The following C19orf47 variants were observed in gnomAD, a reference collection of about 807,000 sequenced individuals.
C19orf47 encodes chromosome 19 open reading frame 47.
In C19orf47, 18 loss-of-function variants were observed where a neutral mutation model predicts 32.3. The observed-to-expected ratio is 0.56, with a 90% CI of 0.39 to 0.83. The LOEUF is 0.83. Ranked by LOEUF, C19orf47 falls within the 40% of genes least tolerant of loss-of-function variation. The pLI is 0.00. For synonymous variants in C19orf47, 202 were observed against 211.1 expected, an observed-to-expected ratio of 0.96 and a Z score of 0.37; for missense variants, 484 against 531.6, an observed-to-expected ratio of 0.91 and a Z score of 0.88.
chr19:40,302,852 T>G, the C19orf47 span, among the ~76,000 whole-genome samples: 2 of 152,198 alleles, frequency 1.3e-5, no homozygotes, highest in Non-Finnish European at 1.5e-5. Flanking sequence ...CTTCCTTTCC[T>G]GAAGCCCTGC....
At chr19:40,323,462 G>A (rs2077763441) in intron 8 of C19orf47, among the ~76,000 whole-genome samples, 1 of 152,204 alleles carries the variant, frequency 6.6e-6, no homozygotes, top group African/African-American at 2.4e-5. Flanking sequence ...ACTGCGGGCC[G>A]CGGCAGGAAG....
At chr19:40,337,855 G>A (rs1156934674) in intron 2 of C19orf47, among the ~76,000 whole-genome samples, 1 of 152,154 alleles carries the variant, frequency 6.6e-6, no homozygotes, top group Non-Finnish European at 1.5e-5. Flanking sequence ...TCCTCCGCCA[G>A]GCCAGAGGAA....
At position 40,321,463 on chromosome 19, in the gene C19orf47, G is replaced by C. The variant is rs1306922103; in HGVS notation, c.*419C>G. Reference sequence around the variant, plus strand: ...GGAGTGAGGGAGGTCAGTGGGGAGTGGGGGAAGGGAGGCCCACCAGGTGAC... The same window carrying C: ...GGAGTGAGGGAGGTCAGTGGGGAGTCGGGGAAGGGAGGCCCACCAGGTGAC... On this transcript the variant is annotated 3_prime_UTR_variant, in exon 9 of 9. Transcript: ENST00000683109. 27 of 1,011,838 alleles carry C rather than the reference G, an allele frequency of 2.7e-5. No homozygotes were observed. Among genetic ancestry groups the C allele is most frequent in the Non-Finnish European group, 3.2e-5 (27 of 845,972 alleles). The allele number at this position is 1,011,838 out of a possible 1,614,324, so 62.7% of individuals were successfully genotyped here.
the C19orf47 span, among the ~76,000 whole-genome samples, chr19:40,298,645 T>C: frequency 6.6e-6 from 1 of 152,186 alleles, no homozygotes; most frequent in Non-Finnish European, 1.5e-5. Flanking sequence ...GCTTACTTCC[T>C]AGGTTTCGCT....
intron 1 of C19orf47, 50 bp from the exon 2 acceptor site, chr19:40,341,940 G>C: frequency 6.5e-7 from 1 of 1,535,998 alleles, no homozygotes; most frequent in Non-Finnish European, 8.7e-7. Flanking sequence ...GGCTGTGAGT[G>C]TTTGTCCCTC....
At chr19:40,303,862 C>G in the C19orf47 span, among the ~76,000 whole-genome samples, 1 of 147,258 alleles carries the variant, frequency 6.8e-6, no homozygotes, top group Non-Finnish European at 1.5e-5. Flanking sequence ...AAATTGCAAC[C>G]AGGAAAATCT....
At chr19:40,346,523 A>G (rs147804972) in intron 1 of C19orf47, among the ~76,000 whole-genome samples, 49,355 of 143,326 alleles carry the variant, frequency 0.34, 10,858 homozygotes, top group South Asian at 0.61. Flanking sequence ...AAAAAAAAAA[A>G]AGAGGACCCT....
At chr19:40,300,164 A>AT in the C19orf47 span, among the ~76,000 whole-genome samples, 1 of 152,080 alleles carries the variant, frequency 6.6e-6, no homozygotes, top group Non-Finnish European at 1.5e-5. Flanking sequence ...GATAAAAAAC[A>AT]TTTTTTTAAA....
chr19:40,317,221 C>G (rs2077668147), downstream of C19orf47, among the ~76,000 whole-genome samples: 1 of 151,988 alleles, frequency 6.6e-6, no homozygotes, highest in Non-Finnish European at 1.5e-5. Context: ...AAGGGATCCT[C>G]CCACCTCAGC....
the C19orf47 span, among the ~76,000 whole-genome samples, chr19:40,294,423 GTTAT>G: frequency 1.3e-5 from 2 of 151,890 alleles, no homozygotes; most frequent in African/African-American, 4.8e-5. Flanking sequence ...TTTTTGTTTG[GTTAT>G]TTTTTTTTTT....
Position 40,341,194 on chromosome 19 carries a change from C to T in C19orf47, c.19+645G>A, listed in dbSNP as rs533045797. ...ACTAAAAATACAAAAATTAGCTGGGCGTGGTGGCACGCGCCTGTAATCCCA... is the reference window on the plus strand; with the variant it reads ...ACTAAAAATACAAAAATTAGCTGGGTGTGGTGGCACGCGCCTGTAATCCCA... On this transcript the variant is annotated intron_variant, in intron 2 of 8. Transcript: ENST00000683109. 5.9e-5 allele frequency among the ~76,000 whole-genome samples: 9 copies of T among 151,772 alleles called. No individual in the cohort carries two copies. The East Asian group carries it at 1.2e-3, about 20-fold the overall frequency.
At chr19:40,314,199 G>A in the C19orf47 span, among the ~76,000 whole-genome samples, 19 of 152,218 alleles carry the variant, frequency 1.2e-4, no homozygotes, top group Admixed American at 3.3e-4. Flanking sequence ...AGGCTGAGGC[G>A]GGCAGATCAA....
At position 40,321,962 on chromosome 19, in the gene C19orf47, A is replaced by C; in HGVS notation, c.1078T>G (p.Ser360Ala). Residue 360 changes from serine (S) to alanine (A), a missense_variant, in exon 9 of 9, where the codon TCC becomes GCC. This residue lies in a region of C19orf47 where 51 missense variants were observed against 74.5 expected (regional missense o/e 0.68). Transcript: ENST00000683109. Reference protein sequence around the residue: ...RTLVGPRGSSSSEGLGAQMDH... With the variant: ...RTLVGPRGSSASEGLGAQMDH... The stretch of plus-strand genomic sequence containing the variant: ...ATCTGGGCACCAAGGCCCTCGCTGG[A>C]GCTGCTCCCCCGGGGCCCCACCAGA... 1 of 1,613,762 alleles carries C rather than the reference A, an allele frequency of 6.2e-7. No individual in the cohort carries two copies. The highest frequency in any genetic ancestry group is 8.5e-7 in the Non-Finnish European group (1 of 1,179,910).
chr19:40,293,141 A>ATT, the C19orf47 span, among the ~76,000 whole-genome samples: 9 of 144,110 alleles, frequency 6.2e-5, no homozygotes, highest in African/African-American at 7.6e-5. Flanking sequence ...TAAGTATGTA[A>ATT]TTTTTTTTTT....
chr19:40,293,902 C>T, the C19orf47 span, among the ~76,000 whole-genome samples: 4 of 151,966 alleles, frequency 2.6e-5, no homozygotes, highest in African/African-American at 7.2e-5. Flanking sequence ...GGGCAGATCA[C>T]GAGGTCAGGA....
At chr19:40,319,089 T>C (rs1039149729), downstream of C19orf47, among the ~76,000 whole-genome samples, 2 of 151,666 alleles carry the variant, frequency 1.3e-5, no homozygotes, top group Non-Finnish European at 2.9e-5. Flanking sequence ...CTGGCCAACG[T>C]GGTGAAACCC....
intron 1 of C19orf47, among the ~76,000 whole-genome samples, chr19:40,344,879 C>A (rs2078242705): frequency 6.6e-6 from 1 of 152,158 alleles, no homozygotes; most frequent in African/African-American, 2.4e-5. Flanking sequence ...ATGAGAATGG[C>A]AGGTCCAAGA....
intron 1 of C19orf47, among the ~76,000 whole-genome samples, chr19:40,345,270 G>A (rs2078250243): frequency 6.6e-6 from 1 of 152,026 alleles, no homozygotes; most frequent in Non-Finnish European, 1.5e-5. Flanking sequence ...CAAAACTCAA[G>A]GGATTACCAC....
At chr19:40,305,445 T>C in the C19orf47 span, among the ~76,000 whole-genome samples, 3 of 152,262 alleles carry the variant, frequency 2.0e-5, no homozygotes, top group Admixed American at 6.5e-5. Context: ...CTGATCTTTT[T>C]CAAGAAGAGA....
Sources: gnomAD v4.1 joint callset for allele counts (sites outside exome capture counted in the v4.1 genomes callset) on GRCh38, gnomAD v4.1.1 for gene constraint, gnomAD v4.1.1 regional missense constraint, MANE v1.5 for transcripts, NCBI Gene and HGNC (gene_info 2026-07-23, HGNC 2026-07-21) for gene names.